The following ARPC1A variants were observed in gnomAD, a reference collection of about 807,000 sequenced individuals.
The protein encoded by ARPC1A is actin related protein 2/3 complex subunit 1A.
In ARPC1A, 8 loss-of-function variants were observed where a neutral mutation model predicts 46.9. That is an observed-to-expected ratio of 0.17 (90% CI 0.10 to 0.31). ARPC1A has a LOEUF of 0.31. Among genes scored for constraint, ARPC1A ranks in the 10% least tolerant of loss-of-function variants. The pLI, the probability that ARPC1A is intolerant of heterozygous loss-of-function variation, is 1.00. For missense variants in ARPC1A, 286 were observed against 483.6 expected (o/e 0.59, Z 3.83); for synonymous variants, 152 against 169.0 (o/e 0.90, Z 0.78).
chr7:99,346,709 G>A (rs1793457522), intron 4 of ARPC1A, among the ~76,000 whole-genome samples: 1 of 152,154 alleles, frequency 6.6e-6, no homozygotes, highest in African/African-American at 2.4e-5. Flanking sequence ...GCCAGGCACG[G>A]TAGCTCACGC....
At chr7:99,336,620 A>G (rs1200334948) in intron 2 of ARPC1A, among the ~76,000 whole-genome samples, 1 of 150,884 alleles carries the variant, frequency 6.6e-6, no homozygotes, top group Non-Finnish European at 1.5e-5. Context: ...CAGCCTCCCA[A>G]GTAGCTGGGA....
In ARPC1A at chr7:99,353,957, G is replaced by A. The variant is rs539217463; in HGVS notation, c.549G>A (p.Thr183=). 1.6e-4 allele frequency: 265 copies of A among 1,613,794 alleles called. No homozygotes were observed. Among genetic ancestry groups the A allele is most frequent in the Non-Finnish European group, 2.1e-4 (249 of 1,179,850 alleles). ...AAGTGGATGAAAAGCCAGCCAGCAC[G>A]CCCTGGGGCAGCAAGATGCCTTTTG... ...IKEVDEKPAS[T]PWGSKMPFGQ... is the part of the protein sequence containing the mutation. The change falls in exon 6 of 10, where the codon ACG becomes ACA. Residue 183 remains threonine (T), a synonymous_variant. Transcript: ENST00000262942.
At chr7:99,326,579 A>G (rs2150854696) in intron 1 of ARPC1A, among the ~76,000 whole-genome samples, 1 of 152,162 alleles carries the variant, frequency 6.6e-6, no homozygotes, top group East Asian at 1.9e-4. Context: ...ATTTAGTGGA[A>G]TCTTTTATGC....
chr7:99,345,214 G>A (rs1272162376), intron 4 of ARPC1A, among the ~76,000 whole-genome samples: 2 of 151,792 alleles, frequency 1.3e-5, no homozygotes, highest in Non-Finnish European at 2.9e-5. Flanking sequence ...TTACAGGCGT[G>A]AGCCACCACG....
intron 3 of ARPC1A, among the ~76,000 whole-genome samples, chr7:99,338,944 A>G (rs1014943758): frequency 2.6e-5 from 4 of 152,172 alleles, no homozygotes; most frequent in African/African-American, 9.7e-5. Flanking sequence ...GTCTTCCAAA[A>G]GTTTCCTTTG....
At chr7:99,360,157 A>T (rs1793714975) in intron 8 of ARPC1A, 1 of 205,046 alleles carries the variant, frequency 4.9e-6, no homozygotes, top group Admixed American at 5.2e-5. Context: ...GGAAAAGGTA[A>T]CTGTAGCTGT....
chr7:99,354,391 A>C (rs1289381083), intron 6 of ARPC1A, among the ~76,000 whole-genome samples: 1 of 150,474 alleles, frequency 6.6e-6, no homozygotes, highest in East Asian at 2.0e-4. Context: ...GTGTGGTGGT[A>C]GGCGCCTGTA....
Position 99,333,534 on chromosome 7 carries a change from A to G in ARPC1A, c.64+117A>G, listed in dbSNP as rs1025532654. The stretch of plus-strand genomic sequence containing the variant: ...CATGTGCAAAGAACATACATCTATT[A>G]TATACATTCAGAAGGGAACTAAGTC... On this transcript the variant is annotated intron_variant, in intron 2 of 9. Transcript: ENST00000262942. 8.2e-6 allele frequency: 7 copies of G among 855,888 alleles called. No individual in the cohort carries two copies. The Admixed American group carries it at 1.1e-4, about 14-fold the overall frequency. The allele number at this position is 855,888 out of a possible 1,614,324, so 53.0% of individuals were successfully genotyped here. A position where few individuals can be genotyped will look rare whatever the true frequency, so the allele number is the denominator to read the frequency against.
intron 1 of ARPC1A, among the ~76,000 whole-genome samples, chr7:99,327,631 A>G (rs749433290): frequency 3.3e-5 from 5 of 151,706 alleles, no homozygotes; most frequent in African/African-American, 4.8e-5. Flanking sequence ...TTATATGGCT[A>G]TTTTCTCCCA....
chr7:99,357,765 C>A (rs1259906801), intron 6 of ARPC1A, among the ~76,000 whole-genome samples: 1 of 152,146 alleles, frequency 6.6e-6, no homozygotes, highest in Non-Finnish European at 1.5e-5. Flanking sequence ...CACACATGTC[C>A]CTGCAGGCAC....
In ARPC1A at chr7:99,358,582, C is replaced by G. The variant is rs1429505718; in HGVS notation, c.789+167C>G. On this transcript the variant is annotated intron_variant, in intron 7 of 9. Transcript: ENST00000262942. The stretch of plus-strand genomic sequence containing the variant: ...TTGAGATGGAGTTTTGCTCTTGTTG[C>G]CCAGGCTGGAGTGCAATGGGTGATC... 3 of 618,328 alleles carry G rather than the reference C, an allele frequency of 4.9e-6. No homozygotes were observed. In the East Asian group the frequency reaches 9.2e-5, roughly 19 times the overall value. 38.3% of individuals were successfully genotyped at this position (618,328 alleles called of 1,614,324 possible). A position where few individuals can be genotyped will look rare whatever the true frequency, so the allele number is the denominator to read the frequency against.
intron 1 of ARPC1A, among the ~76,000 whole-genome samples, chr7:99,333,037 G>A (rs909165536): frequency 6.6e-6 from 1 of 151,924 alleles, no homozygotes; most frequent in Non-Finnish European, 1.5e-5. Context: ...GCTGGAACTA[G>A]AGGCGTGTGC....
At chr7:99,338,628 C>T (rs1304087076) in intron 3 of ARPC1A, among the ~76,000 whole-genome samples, 1 of 151,984 alleles carries the variant, frequency 6.6e-6, no homozygotes, top group African/African-American at 2.4e-5. Flanking sequence ...TCGTGATCCT[C>T]CTGCCTCGGC....
intron 4 of ARPC1A, among the ~76,000 whole-genome samples, chr7:99,346,108 T>A (rs1793439976): frequency 6.6e-6 from 1 of 150,748 alleles, no homozygotes; most frequent in Admixed American, 6.7e-5. Flanking sequence ...CCCAGCTACC[T>A]GGGAGGCTGA....
chr7:99,338,387 T>C, intron 3 of ARPC1A, 102 bp downstream of exon 3: 3 of 784,378 alleles, frequency 3.8e-6, no homozygotes, highest in Non-Finnish European at 5.6e-6. Context: ...AATTTTTTTT[T>C]TTTTTTTTTT....
chr7:99,349,452 C>A (rs1195171889), intron 5 of ARPC1A, among the ~76,000 whole-genome samples: 4 of 151,994 alleles, frequency 2.6e-5, no homozygotes, highest in African/African-American at 9.7e-5. Context: ...CACCTGTAAT[C>A]CCAGCACTTT....
chr7:99,346,642 T>C (rs1434791463), intron 4 of ARPC1A, among the ~76,000 whole-genome samples: 1 of 152,224 alleles, frequency 6.6e-6, no homozygotes, highest in Non-Finnish European at 1.5e-5. Flanking sequence ...TTCAGCCATA[T>C]GAACTAATTA....
intron 2 of ARPC1A, among the ~76,000 whole-genome samples, chr7:99,337,278 G>A (rs1793270356): frequency 6.6e-6 from 1 of 152,110 alleles, no homozygotes; most frequent in South Asian, 2.1e-4. Flanking sequence ...AAAATTAGCT[G>A]GGCGTGGTGG....
At chr7:99,337,345 T>C (rs529923496) in intron 2 of ARPC1A, among the ~76,000 whole-genome samples, 16 of 152,118 alleles carry the variant, frequency 1.1e-4, no homozygotes, top group African/African-American at 3.6e-4. Context: ...CGCTTGAACC[T>C]GGGAGGCGGA....
Sources: gnomAD v4.1 joint callset for allele counts (sites outside exome capture counted in the v4.1 genomes callset) on GRCh38, gnomAD v4.1.1 for gene constraint, MANE v1.5 for transcripts, NCBI Gene and HGNC (gene_info 2026-07-23, HGNC 2026-07-21) for gene names.